Variants in ADGB observed in about 807,000 individuals in gnomAD.
ADGB encodes the protein calpain-7-like protein.
Under a neutral mutation model 210.5 loss-of-function variants are expected in ADGB, and 172 were observed. The observed-to-expected ratio is 0.82, with a 90% CI of 0.72 to 0.93. The LOEUF is 0.93. Among genes scored for constraint, ADGB ranks in the 40% least tolerant of loss-of-function variants. The pLI, the probability that ADGB is intolerant of heterozygous loss-of-function variation, is 0.00. For missense variants in ADGB, 2,025 were observed against 1,964.8 expected, an observed-to-expected ratio of 1.03 and a Z score of -0.58; for synonymous variants, 658 against 662.7, an observed-to-expected ratio of 0.99 and a Z score of 0.11.
intron 35 of ADGB, chr6:146,803,308 CTGTCTGTG>C (rs1778159964): frequency 6.2e-7 from 1 of 1,607,702 alleles, no homozygotes; most frequent in Non-Finnish European, 8.5e-7. Flanking sequence ...GATGGGCTTT[CTGTCTGTG>C]AAGAACCAGA....
intron 2 of ADGB, among the ~76,000 whole-genome samples, chr6:146,640,277 C>A (rs896597673): frequency 6.6e-6 from 1 of 151,818 alleles, no homozygotes; most frequent in Non-Finnish European, 1.5e-5. Flanking sequence ...AAGGGCCTAC[C>A]AACCAAACAA....
chr6:146,809,302 G>T (rs1282613703), intron 35 of ADGB, among the ~76,000 whole-genome samples: 1 of 152,188 alleles, frequency 6.6e-6, no homozygotes, highest in Non-Finnish European at 1.5e-5. Context: ...CGCCTCCTGA[G>T]TTCAAGTGAT....
chr6:146,608,512 C>T (rs566235219), intron 1 of ADGB, among the ~76,000 whole-genome samples: 1 of 152,190 alleles, frequency 6.6e-6, no homozygotes, highest in Non-Finnish European at 1.5e-5. Flanking sequence ...GGGCATTTAG[C>T]AATATAAAAT....
chr6:146,755,263 T>C (rs1338915356), intron 27 of ADGB, among the ~76,000 whole-genome samples: 1 of 152,102 alleles, frequency 6.6e-6, no homozygotes, highest in Admixed American at 6.6e-5. Flanking sequence ...GTCTTTCTCC[T>C]GTAAATGGAT....
intron 13 of ADGB, among the ~76,000 whole-genome samples, chr6:146,706,441 G>T (rs1776570522): frequency 2.0e-5 from 3 of 151,690 alleles, no homozygotes; most frequent in Admixed American, 2.0e-4. Context: ...TGTATTTTTA[G>T]TAGAGACGAG....
chr6:146,781,988 A>T, intron 29 of ADGB, 32 bp from the exon 30 acceptor site: 1 of 1,412,028 alleles, frequency 7.1e-7, no homozygotes, highest in Non-Finnish European at 9.2e-7. Context: ...TTATATTATG[A>T]CTCACCATTT....
At chr6:146,748,191 G>T (rs1282782691) in intron 26 of ADGB, among the ~76,000 whole-genome samples, 1 of 152,110 alleles carries the variant, frequency 6.6e-6, no homozygotes, top group East Asian at 1.9e-4. Context: ...ACTCAAGGCA[G>T]CAGTGTGTTG....
At chr6:146,769,289 GTTAA>G (rs1777620373) in intron 29 of ADGB, among the ~76,000 whole-genome samples, 158 bp downstream of exon 29, 1 of 151,872 alleles carries the variant, frequency 6.6e-6, no homozygotes, top group Non-Finnish European at 1.5e-5. Flanking sequence ...TTCCTGTTGT[GTTAA>G]TTGATTATAT....
In ADGB at chr6:146,702,310, T is replaced by A. The variant is rs190650824; in HGVS notation, c.1707+1240T>A. ...TATGACAGCATTTGATACTGTATGA[T>A]GTTTGCTAATGTGGTGGGTATAAAA... On this transcript the variant is annotated intron_variant, in intron 13 of 35. Coordinates refer to ENST00000397944, the MANE Select transcript of ADGB (RefSeq NM_024694.4). Among the ~76,000 whole-genome samples the A allele has an allele frequency of 5.4e-4, 82 of 152,078 alleles. 1 individual carries two copies. Among genetic ancestry groups the A allele is most frequent in the African/African-American group, 1.9e-3 (77 of 41,562 alleles).
chr6:146,810,706 G>A (rs1347508997), intron 35 of ADGB, among the ~76,000 whole-genome samples: 2 of 152,078 alleles, frequency 1.3e-5, no homozygotes, highest in Non-Finnish European at 2.9e-5. Context: ...GAAACTGAAA[G>A]AAAAATAATG....
intron 1 of ADGB, among the ~76,000 whole-genome samples, chr6:146,602,029 G>A (rs547710974): frequency 6.6e-6 from 1 of 152,250 alleles, no homozygotes; most frequent in Admixed American, 6.5e-5. Context: ...ATATTCATAA[G>A]TAAATATAAC....
At chr6:146,669,930 A>C (rs9386162) in intron 7 of ADGB, among the ~76,000 whole-genome samples, 21,780 of 152,092 alleles carry the variant, frequency 0.14, 2,112 homozygotes, top group East Asian at 0.38. Context: ...GCATCATCTC[A>C]GTGAATTTCA....
chr6:146,718,455 A>G (rs910192461), intron 16 of ADGB, among the ~76,000 whole-genome samples: 19 of 150,506 alleles, frequency 1.3e-4, no homozygotes, highest in African/African-American at 4.6e-4. Flanking sequence ...CCCTGTGCCC[A>G]TTCTTCCCCC....
At chr6:146,611,512 T>C (rs983345860) in intron 1 of ADGB, among the ~76,000 whole-genome samples, 1 of 152,170 alleles carries the variant, frequency 6.6e-6, no homozygotes, top group Non-Finnish European at 1.5e-5. Flanking sequence ...CTCCTGCAGC[T>C]GGGATTCTGA....
rs778824378 is a variant in ADGB, at chr6:146,733,273, A to G, written c.2656+18A>G. 7.0e-7 allele frequency: 1 copy of G among 1,426,566 alleles called. No homozygotes were observed. Among genetic ancestry groups the G allele is most frequent in the Non-Finnish European group, 9.2e-7 (1 of 1,091,982 alleles). 88.4% of individuals were successfully genotyped at this position (1,426,566 alleles called of 1,614,324 possible). A position where few individuals can be genotyped will look rare whatever the true frequency, so the allele number is the denominator to read the frequency against. On this transcript the variant is annotated intron_variant, in intron 21 of 35. Coordinates refer to ENST00000397944, the MANE Select transcript of ADGB (RefSeq NM_024694.4). ...TTCTTTAGGTACCCATGAATTGTAT[A>G]TATTTAATCAAGGAATTCCTAGTTT...
intron 13 of ADGB, 110 bp downstream of exon 13, chr6:146,701,180 C>A: frequency 8.1e-7 from 1 of 1,241,846 alleles, no homozygotes; most frequent in Non-Finnish European, 1.1e-6. Flanking sequence ...TGGATCTGAA[C>A]AGTATAAAGA....
At chr6:146,767,120 A>G (rs1027069331) in intron 28 of ADGB, among the ~76,000 whole-genome samples, 1 of 152,220 alleles carries the variant, frequency 6.6e-6, no homozygotes, top group African/African-American at 2.4e-5. Flanking sequence ...ATACAAAACC[A>G]TTATACTAAT....
chr6:146,737,104 G>A (rs1346101124), intron 23 of ADGB, among the ~76,000 whole-genome samples: 2 of 151,918 alleles, frequency 1.3e-5, no homozygotes, highest in South Asian at 2.1e-4. Flanking sequence ...TGGAAAATAT[G>A]TGGAACCATA....
chr6:146,670,000 C>T (rs759592929), intron 7 of ADGB, among the ~76,000 whole-genome samples: 1 of 152,080 alleles, frequency 6.6e-6, no homozygotes, highest in Admixed American at 6.6e-5. Flanking sequence ...CTTCATTGCT[C>T]ATTTTCCTTG....
Sources: gnomAD v4.1 joint callset for allele counts (sites outside exome capture counted in the v4.1 genomes callset) on GRCh38, gnomAD v4.1.1 for gene constraint, MANE v1.5 for transcripts, NCBI Gene and HGNC (gene_info 2026-07-23, HGNC 2026-07-21) for gene names.